POLN: variants seen among roughly 807,000 people sequenced by gnomAD.
POLN encodes the protein DNA polymerase nu, also known as DNA polymerase N.
A neutral mutation model predicts 113.5 loss-of-function variants in POLN; 108 were observed. The ratio of observed to expected loss-of-function variants is 0.95; its 90% CI spans 0.81 to 1.12. The LOEUF (loss-of-function observed/expected upper bound fraction) is 1.12. POLN is among the 50% of genes most tolerant of loss of function. POLN has a pLI of 0.00. For missense variants in POLN, 1,097 were observed against 1,077.1 expected, an observed-to-expected ratio of 1.02 and a Z score of -0.26; for synonymous variants, 386 against 391.5, an observed-to-expected ratio of 0.99 and a Z score of 0.17.
intron 20 of POLN, among the ~76,000 whole-genome samples, chr4:2,094,237 C>G (rs887963270): frequency 6.6e-6 from 1 of 152,044 alleles, no homozygotes; most frequent in African/African-American, 2.4e-5. Flanking sequence ...ACCCCAGCTA[C>G]TCAGGAGGCT....
chr4:2,173,508 C>CACT (rs33977254), intron 11 of POLN, among the ~76,000 whole-genome samples: 4 of 149,010 alleles, frequency 2.7e-5, no homozygotes, highest in African/African-American at 5.0e-5. Context: ...TCATCTTTGC[C>CACT]CCGCCCCGCC....
At chr4:2,096,597 C>A (rs757681484) in intron 19 of POLN, among the ~76,000 whole-genome samples, 21 of 151,480 alleles carry the variant, frequency 1.4e-4, no homozygotes, top group Non-Finnish European at 2.8e-4. Flanking sequence ...CTCGGTGCCA[C>A]CTCCTGCCTG....
chr4:2,229,067 AAGAG>A, intron 3 of POLN, 28 bp downstream of exon 3: 1 of 1,550,218 alleles, frequency 6.5e-7, no homozygotes, highest in Non-Finnish European at 8.8e-7. Context: ...TCAAAGTATC[AAGAG>A]AAAGAAAGGT....
chr4:2,207,319 G>A (rs1413957669), intron 5 of POLN, among the ~76,000 whole-genome samples: 1 of 151,628 alleles, frequency 6.6e-6, no homozygotes, highest in Non-Finnish European at 1.5e-5. Flanking sequence ...TGAGTGATGG[G>A]TGCAGGAAAG....
chr4:2,135,468 G>C (rs1248189617), intron 16 of POLN, among the ~76,000 whole-genome samples: 1 of 152,186 alleles, frequency 6.6e-6, no homozygotes, highest in Non-Finnish European at 1.5e-5. Flanking sequence ...CCAAACACAT[G>C]AAACACTGCT....
intron 16 of POLN, among the ~76,000 whole-genome samples, chr4:2,148,669 C>CGA (rs879880773): frequency 2.2e-5 from 1 of 45,106 alleles, no homozygotes; most frequent in African/African-American, 5.2e-5. Context: ...TCTGTCCCCC[C>CGA]CCCAAAAAAA....
chr4:2,159,899 ATG>A (rs1475396721), intron 13 of POLN, among the ~76,000 whole-genome samples: 1 of 140,886 alleles, frequency 7.1e-6, no homozygotes, highest in East Asian at 1.9e-4. Flanking sequence ...TTTGATGGAT[ATG>A]TGTTTTTTTC....
At chr4:2,152,954 T>C (rs1268256705) in intron 16 of POLN, among the ~76,000 whole-genome samples, 3 of 152,250 alleles carry the variant, frequency 2.0e-5, no homozygotes, top group Non-Finnish European at 2.9e-5. Flanking sequence ...CTGTACCCAG[T>C]ACAGTAATTA....
At chr4:2,139,022 C>G (rs1238838674) in intron 16 of POLN, among the ~76,000 whole-genome samples, 1 of 151,760 alleles carries the variant, frequency 6.6e-6, no homozygotes, top group Non-Finnish European at 1.5e-5. Flanking sequence ...GGCATGGAAG[C>G]TGCCGGGAAA....
intron 3 of POLN, among the ~76,000 whole-genome samples, chr4:2,223,900 A>G (rs958252641): frequency 6.6e-6 from 1 of 152,256 alleles, no homozygotes; most frequent in African/African-American, 2.4e-5. Flanking sequence ...GCATTACTGT[A>G]CACTGATGTA....
rs767913107 is a variant in POLN at position 2,128,098 on chromosome 4, G to A, written c.1982+15C>T. 12 of 1,478,010 alleles carry A rather than the reference G, an allele frequency of 8.1e-6. No individual in the cohort carries two copies. The highest frequency in any genetic ancestry group is 1.1e-5 in the Non-Finnish European group (12 of 1,057,522). The allele number at this position is 1,478,010 out of a possible 1,614,324, so 91.6% of individuals were successfully genotyped here. On this transcript the variant is annotated intron_variant, in intron 19 of 25. Transcript: ENST00000511885. ...TCCTGCAGATCTGATAATATTGTGA[G>A]TTCATATATCTTACCACTGTGAAGT...
chr4:2,169,159 A>G (rs1577737413), intron 13 of POLN, among the ~76,000 whole-genome samples: 1 of 152,292 alleles, frequency 6.6e-6, no homozygotes, highest in East Asian at 1.9e-4. Flanking sequence ...GGGGGGAGAG[A>G]GGAGGTGCCG....
intron 19 of POLN, among the ~76,000 whole-genome samples, chr4:2,124,959 G>C (rs141934592): frequency 6.6e-6 from 1 of 152,332 alleles, no homozygotes; most frequent in East Asian, 1.9e-4. Flanking sequence ...AAGGGAGTAA[G>C]TATAGATTTC....
At chr4:2,110,097 G>A (rs998290353) in intron 19 of POLN, among the ~76,000 whole-genome samples, 6 of 152,066 alleles carry the variant, frequency 3.9e-5, no homozygotes, top group African/African-American at 1.2e-4. Context: ...ACTCAAAACC[G>A]CTCAACTACA....
chr4:2,191,658 T>G (rs529510), intron 7 of POLN, among the ~76,000 whole-genome samples: 3 of 152,186 alleles, frequency 2.0e-5, no homozygotes, highest in Non-Finnish European at 2.9e-5. Flanking sequence ...AAAAAAAGAA[T>G]AAAAGATTAT....
chr4:2,128,320 C>T (rs1731636454), intron 18 of POLN, 93 bp from the exon 19 acceptor site: 2 of 730,950 alleles, frequency 2.7e-6, no homozygotes, highest in African/African-American at 3.5e-5. Flanking sequence ...TCTCCTGACT[C>T]TGTAGCCTCA....
At chr4:2,211,193 G>A (rs1733984512) in intron 4 of POLN, among the ~76,000 whole-genome samples, 1 of 147,642 alleles carries the variant, frequency 6.8e-6, no homozygotes, top group Admixed American at 6.8e-5. Context: ...AGGTTGCAGT[G>A]AGCCGAGATC....
intron 2 of POLN, chr4:2,231,966 T>C (rs772097932): frequency 8.3e-6 from 12 of 1,453,712 alleles, no homozygotes. Flanking sequence ...TTGATTGAGT[T>C]TCTAAATTCT....
Position 2,174,018 on chromosome 4 carries a change from C to T in POLN, c.1311G>A (p.Val437=), listed in dbSNP as rs756794732. 6 of 1,614,070 alleles carry T rather than the reference C, an allele frequency of 3.7e-6. No individual in the cohort carries two copies. The highest frequency in any genetic ancestry group is 1.7e-5 in the Admixed American group (1 of 60,002). ...LELPLIPILA[V]MESHAIQVNK... is the part of the protein sequence containing the mutation. ...TCACCTGAATGGCATGGCTTTCCAT[C>T]ACTGTGATTCGAAACCCAAACCAGA... The change falls in exon 11 of 26, where the codon GTG becomes GTA. Residue 437 remains valine (V), a splice_region_variant and synonymous_variant. Coordinates refer to ENST00000511885, the MANE Select transcript of POLN (RefSeq NM_181808.4).
Sources: allele counts gnomAD v4.1 joint callset (sites outside exome capture counted in the v4.1 genomes callset), GRCh38; gene constraint gnomAD v4.1.1; transcripts MANE v1.5; gene names NCBI Gene and HGNC (gene_info 2026-07-23, HGNC 2026-07-21).